Variants in GLIS3 observed in about 807,000 individuals in gnomAD.
GLIS3 encodes GLIS family zinc finger 3.
A neutral mutation model predicts 78.6 loss-of-function variants in GLIS3; 53 were observed. That is an observed-to-expected ratio of 0.67 (90% confidence interval 0.54 to 0.85). The LOEUF (loss-of-function observed/expected upper bound fraction) is 0.85, where lower values mean the gene tolerates loss of function less well. Among genes scored for constraint, GLIS3 ranks in the 40% least tolerant of loss-of-function variants. The pLI is 0.00. For synonymous variants in GLIS3, 684 were observed against 509.9 expected (o/e 1.34, Z -4.60); for missense variants, 1,703 against 1,231.1 (o/e 1.38, Z -5.74).
chr9:4,280,125 T>C (rs1587285904), intron 2 of GLIS3, among the ~76,000 whole-genome samples: 1 of 152,190 alleles, frequency 6.6e-6, no homozygotes, highest in East Asian at 1.9e-4. Context: ...ACTCAAGTGA[T>C]CCTCCCACCT....
intron 8 of GLIS3, among the ~76,000 whole-genome samples, chr9:3,857,578 G>C (rs1384485436): frequency 2.0e-5 from 3 of 152,180 alleles, no homozygotes; most frequent in Non-Finnish European, 4.4e-5. Context: ...GTAGGAGTAG[G>C]ACTCGCTAAC....
chr9:4,320,647 G>A (rs1043271066), intron 2 of GLIS3, among the ~76,000 whole-genome samples: 1 of 151,494 alleles, frequency 6.6e-6, no homozygotes, highest in African/African-American at 2.4e-5. Flanking sequence ...CATCATTACT[G>A]TTGCCACCAT....
intron 4 of GLIS3, among the ~76,000 whole-genome samples, chr9:3,957,912 T>C (rs183787514): frequency 6.6e-6 from 1 of 152,328 alleles, no homozygotes; most frequent in Admixed American, 6.5e-5. Context: ...TTCGTGGGAC[T>C]GGCAACCAAG....
chr9:3,856,661 T>C lies in GLIS3; in HGVS notation c.2298-477A>G, dbSNP rs145695282. 5.7e-3 allele frequency among the ~76,000 whole-genome samples: 865 copies of C among 152,368 alleles called. 12 individuals carry two copies. Among genetic ancestry groups the C allele is most frequent in the African/African-American group, 0.019 (790 of 41,582 alleles). On this transcript the variant is annotated intron_variant, in intron 8 of 10. Transcript: ENST00000381971. ...GAAGTGTTGTTACAAGTCTTTATTA[T>C]GAGCCTCTCTAATCCTATTCTCTTT...
At chr9:4,293,999 G>C (rs532593897) in intron 1 of GLIS3, among the ~76,000 whole-genome samples, 61 of 152,238 alleles carry the variant, frequency 4.0e-4, no homozygotes, top group African/African-American at 1.4e-3. Context: ...TTGGATCTTT[G>C]TTTCTGTTAA....
At chr9:3,875,201 T>A (rs1821234696) in intron 8 of GLIS3, among the ~76,000 whole-genome samples, 2 of 152,230 alleles carry the variant, frequency 1.3e-5, no homozygotes, top group Admixed American at 1.3e-4. Flanking sequence ...CAACATGCCA[T>A]AGTAAAACAC....
chr9:4,355,597 A>T, the GLIS3 span, among the ~76,000 whole-genome samples: 1 of 152,196 alleles, frequency 6.6e-6, no homozygotes, highest in Non-Finnish European at 1.5e-5. Flanking sequence ...AAAGAGGGGA[A>T]GGAGGAGTCA....
the GLIS3 span, among the ~76,000 whole-genome samples, chr9:4,448,597 G>A: frequency 1.1e-4 from 17 of 152,242 alleles, no homozygotes; most frequent in Non-Finnish European, 1.5e-5. Context: ...GCTGTGGGAT[G>A]CATTTCTCCT....
upstream of GLIS3, among the ~76,000 whole-genome samples, chr9:4,302,336 G>A (rs187843276): frequency 6.6e-6 from 1 of 152,258 alleles, no homozygotes; most frequent in East Asian, 1.9e-4. Flanking sequence ...TGCCTCAACC[G>A]CTGACTCAGG....
chr9:4,352,944 T>C (rs1462812329), upstream of GLIS3, among the ~76,000 whole-genome samples: 10 of 152,212 alleles, frequency 6.6e-5, no homozygotes, highest in Admixed American at 2.6e-4. Flanking sequence ...TAGCCACTTG[T>C]CAGGCTAAGA....
At chr9:4,031,990 T>C (rs1588493554) in intron 4 of GLIS3, among the ~76,000 whole-genome samples, 1 of 152,090 alleles carries the variant, frequency 6.6e-6, no homozygotes. Flanking sequence ...GGAGGTTAAG[T>C]TGAGCAAAAT....
At chr9:3,890,224 T>G (rs193263033) in intron 7 of GLIS3, among the ~76,000 whole-genome samples, 22 of 152,288 alleles carry the variant, frequency 1.4e-4, no homozygotes, top group African/African-American at 5.3e-4. Context: ...GCAATGGCAC[T>G]CTGTACAACC....
rs1461130151 is a variant in GLIS3 at position 3,824,915 on chromosome 9, T to A, written c.*3357A>T. The stretch of plus-strand genomic sequence containing the variant: ...AGTGCTTTTTTTTTTTTGCTTCATC[T>A]GTTGCAAAAAAAAAAAAAAATAATA... On this transcript the variant is annotated 3_prime_UTR_variant, in exon 11 of 11. Transcript: ENST00000381971. 1 of 95,974 alleles carries A rather than the reference T, an allele frequency of 1.0e-5. No individual in the cohort carries two copies. The highest frequency in any genetic ancestry group is 3.6e-5 in the African/African-American group (1 of 27,574). 5.9% of individuals were successfully genotyped at this position (95,974 alleles called of 1,614,324 possible).
At chr9:3,948,618 G>C (rs530959154) in intron 4 of GLIS3, among the ~76,000 whole-genome samples, 1 of 152,126 alleles carries the variant, frequency 6.6e-6, no homozygotes, top group Non-Finnish European at 1.5e-5. Flanking sequence ...ATAAGTCTAT[G>C]AAAAATTCTG....
At chr9:4,254,974 T>A (rs7032932) in intron 2 of GLIS3, among the ~76,000 whole-genome samples, 21,844 of 152,146 alleles carry the variant, frequency 0.14, 1,699 homozygotes, top group Non-Finnish European at 0.16. Context: ...ATTTGTAGTA[T>A]ATTTAAATAT....
the GLIS3 span, among the ~76,000 whole-genome samples, chr9:4,422,162 T>A: frequency 5.9e-5 from 9 of 152,250 alleles, no homozygotes; most frequent in African/African-American, 2.2e-4. Flanking sequence ...AAAAAGCACA[T>A]ATGTAACCAT....
intron 2 of GLIS3, among the ~76,000 whole-genome samples, chr9:4,173,601 C>T (rs867421049): frequency 9.7e-4 from 98 of 100,850 alleles, no homozygotes; most frequent in East Asian, 8.1e-3. Flanking sequence ...CACACACACA[C>T]ATATATATGT....
intron 2 of GLIS3, among the ~76,000 whole-genome samples, chr9:4,137,971 G>A (rs535828760): frequency 6.6e-6 from 1 of 152,232 alleles, no homozygotes; most frequent in Non-Finnish European, 1.5e-5. Context: ...CTGAAAAACT[G>A]AAACACCAGC....
intron 4 of GLIS3, among the ~76,000 whole-genome samples, chr9:3,937,725 G>A (rs1825974924): frequency 6.6e-6 from 1 of 152,174 alleles, no homozygotes; most frequent in South Asian, 2.1e-4. Context: ...ATATTTGTAA[G>A]TTTTTTCCAA....
Sources: allele counts gnomAD v4.1 joint callset (sites outside exome capture counted in the v4.1 genomes callset), GRCh38; gene constraint gnomAD v4.1.1; transcripts MANE v1.5; gene names NCBI Gene and HGNC (gene_info 2026-07-23, HGNC 2026-07-21).